USP48: variants seen among roughly 807,000 people sequenced by gnomAD.
USP48 encodes ubiquitin carboxyl-terminal hydrolase 48.
In USP48, 43 loss-of-function variants were observed where a neutral mutation model predicts 150.7. The ratio of observed to expected loss-of-function variants is 0.29; its 90% CI spans 0.22 to 0.37. The LOEUF (loss-of-function observed/expected upper bound fraction) is 0.37. Ranked by LOEUF, USP48 falls within the 10% of genes least tolerant of loss-of-function variation. USP48 has a pLI of 1.00. For synonymous variants in USP48, 396 were observed against 425.9 expected, an observed-to-expected ratio of 0.93 and a Z score of 0.86; for missense variants, 813 against 1,249.6, an observed-to-expected ratio of 0.65 and a Z score of 5.27.
rs200143687 is a variant in USP48 at position 21,748,104 on chromosome 1, T to A, written c.908+34A>T. The stretch of plus-strand genomic sequence containing the variant: ...AAAGTCTGTACATAGTAGACCACAA[T>A]GAACAACAAACACTAATATTTGCAC... On this transcript the variant is annotated intron_variant, in intron 7 of 26. Coordinates refer to ENST00000308271, the MANE Select transcript of USP48 (RefSeq NM_032236.8). 7.5e-6 allele frequency: 12 copies of A among 1,599,472 alleles called. No homozygotes were observed. In the East Asian group the frequency reaches 2.7e-4, roughly 36 times the overall value.
At chr1:21,711,560 A>G (rs1441074602) in intron 15 of USP48, among the ~76,000 whole-genome samples, 3 of 152,202 alleles carry the variant, frequency 2.0e-5, no homozygotes, top group Admixed American at 6.5e-5. Flanking sequence ...TTCTTTCTAC[A>G]GCTTCCGAAG....
intron 11 of USP48, chr1:21,727,963 A>G (rs2097744017): frequency 1.0e-6 from 1 of 985,410 alleles, no homozygotes; most frequent in African/African-American, 1.7e-5. Context: ...ACTTAATACA[A>G]ATGGCACATC....
At chr1:21,739,623 C>A (rs2097776793) in intron 8 of USP48, among the ~76,000 whole-genome samples, 1 of 150,298 alleles carries the variant, frequency 6.7e-6, no homozygotes, top group African/African-American at 2.5e-5. Flanking sequence ...TTAAATCAAG[C>A]TAATATATCC....
intron 18 of USP48, 73 bp from the exon 19 acceptor site, chr1:21,705,910 AT>A: frequency 7.8e-7 from 1 of 1,274,424 alleles, no homozygotes; most frequent in Non-Finnish European, 1.1e-6. Context: ...TAAAATAATT[AT>A]TTCAAAATCA....
intron 11 of USP48, 61 bp from the exon 12 acceptor site, chr1:21,724,156 C>A (rs2275668): frequency 0.77 from 1,163,449 of 1,508,296 alleles, 451,069 homozygotes; most frequent in Admixed American, 0.84. Context: ...CTAAGTGATA[C>A]ATTCATTTTT....
chr1:21,752,495 A>C, intron 5 of USP48, 32 bp downstream of exon 5: 2 of 1,603,346 alleles, frequency 1.2e-6, no homozygotes, highest in Non-Finnish European at 1.7e-6. Flanking sequence ...CTTAGAATAA[A>C]ATGTACCATG....
In USP48 at chr1:21,689,998, A is replaced by G. The variant is rs765580529; in HGVS notation, c.2985T>C (p.Ile995=). Residue 995 remains isoleucine (I), a synonymous_variant, in exon 24 of 27, where the codon ATT becomes ATC. Transcript: ENST00000308271. Reference sequence around the variant, plus strand: ...CCTTCAATAAAATGACAGATTCAGGAATGACGCCAAGGGTGCCTAGGGTGG... The same window carrying G: ...CCTTCAATAAAATGACAGATTCAGGGATGACGCCAAGGGTGCCTAGGGTGG... ...DCATLGTLGV[I]PESVILLKAD... is the part of the protein sequence containing the mutation. The G allele has an allele frequency of 5.6e-6, 9 of 1,614,004 alleles. No individual in the cohort carries two copies. The Admixed American group carries it at 1.2e-4, about 21-fold the overall frequency.
intron 11 of USP48, among the ~76,000 whole-genome samples, chr1:21,726,883 G>C (rs2097739034): frequency 1.3e-5 from 2 of 151,838 alleles, no homozygotes; most frequent in Admixed American, 1.3e-4. Context: ...TGAAACCTCA[G>C]CATTTGATGA....
chr1:21,731,134 T>C (rs935417897), intron 9 of USP48, among the ~76,000 whole-genome samples: 1 of 152,234 alleles, frequency 6.6e-6, no homozygotes, highest in African/African-American at 2.4e-5. Flanking sequence ...AAAGTATATA[T>C]AAAATGTATA....
chr1:21,724,192 CAG>C, intron 11 of USP48, 97 bp from the exon 12 acceptor site: 1 of 1,177,790 alleles, frequency 8.5e-7, no homozygotes, highest in East Asian at 2.5e-5. Flanking sequence ...AAACTCTGTC[CAG>C]AGTTAGCAGA....
At chr1:21,753,810 G>C (rs1004412908) in intron 3 of USP48, among the ~76,000 whole-genome samples, 4 of 132,410 alleles carry the variant, frequency 3.0e-5, no homozygotes, top group African/African-American at 1.2e-4. Context: ...CTGGATGACA[G>C]AGCGAGACTC....
intron 11 of USP48, among the ~76,000 whole-genome samples, chr1:21,725,452 T>C (rs192792744): frequency 6.6e-6 from 1 of 152,226 alleles, no homozygotes; most frequent in East Asian, 1.9e-4. Flanking sequence ...AAACTTAATA[T>C]ATAAAAGAGG....
intron 11 of USP48, chr1:21,724,970 T>C (rs1031380099): frequency 6.6e-6 from 1 of 152,198 alleles, no homozygotes; most frequent in African/African-American, 2.4e-5. Context: ...AGGTTGAATT[T>C]ATATTTTTGT....
intron 23 of USP48, 21 bp downstream of exon 23, chr1:21,695,045 T>C: frequency 1.2e-6 from 2 of 1,603,730 alleles, no homozygotes; most frequent in Non-Finnish European, 1.7e-6. Context: ...CAGAGCAAAC[T>C]TGAACAAATG....
intron 22 of USP48, among the ~76,000 whole-genome samples, chr1:21,698,467 C>T (rs2152510201): frequency 6.6e-6 from 1 of 152,140 alleles, no homozygotes; most frequent in South Asian, 2.1e-4. Context: ...TTGCTGTGGT[C>T]ATGACCACAA....
chr1:21,758,959 G>T (rs2097843492), intron 1 of USP48, among the ~76,000 whole-genome samples: 1 of 152,024 alleles, frequency 6.6e-6, no homozygotes, highest in Non-Finnish European at 1.5e-5. Flanking sequence ...ATCACTTGAG[G>T]TTAGGAGTTT....
chr1:21,724,022 A>C lies in USP48; in HGVS notation c.1524T>G (p.Asp508Glu). ...CATGGGAACACAGGCAAGCGTGATT[A>C]TCAATAGGTTTGGTAGGTGTTGATT... is the stretch of plus-strand genomic sequence containing the variant. ...LDESTPTKPI[D>E]NHACLCSHDK... Residue 508 changes from aspartate to glutamate, a missense_variant, in exon 12 of 27, where the codon GAT becomes GAG. Asp to Glu is a conservative substitution (Grantham distance 45). Transcript: ENST00000308271. 6.2e-7 allele frequency: 1 copy of C among 1,614,242 alleles called. No individual in the cohort carries two copies. The highest frequency in any genetic ancestry group is 8.5e-7 in the Non-Finnish European group (1 of 1,180,046).
At chr1:21,706,270 C>A in intron 17 of USP48, 83 bp from the exon 18 acceptor site, 1 of 1,531,278 alleles carries the variant, frequency 6.5e-7, no homozygotes, top group Non-Finnish European at 8.9e-7. Flanking sequence ...TTTGGTTGTC[C>A]TTATTCAAGT....
intron 1 of USP48, among the ~76,000 whole-genome samples, chr1:21,782,404 C>T (rs925090121): frequency 2.6e-5 from 4 of 152,130 alleles, no homozygotes; most frequent in African/African-American, 7.2e-5. Context: ...TAAAGCTGCC[C>T]TCTACAAAAA....
Sources: gnomAD v4.1 joint callset for allele counts (sites outside exome capture counted in the v4.1 genomes callset) on GRCh38, gnomAD v4.1.1 for gene constraint, MANE v1.5 for transcripts, NCBI Gene and HGNC (gene_info 2026-07-23, HGNC 2026-07-21) for gene names.